The following RUSC2 variants were observed in gnomAD, a reference collection of about 807,000 sequenced individuals.
RUSC2 encodes AP-4 complex accessory subunit RUSC2.
RUSC2 carries 34 observed loss-of-function variants against 122.2 expected under a neutral mutation model. The ratio of observed to expected loss-of-function variants is 0.28; its 90% CI spans 0.21 to 0.37. The LOEUF (loss-of-function observed/expected upper bound fraction) is 0.37, where lower values mean the gene tolerates loss of function less well. Ranked by LOEUF, RUSC2 falls within the 10% of genes least tolerant of loss-of-function variation. The probability of loss-of-function intolerance (pLI) is 1.00; values close to 1 mark genes in which losing one functional copy is unlikely to be tolerated. For synonymous variants in RUSC2, 784 were observed against 790.0 expected (o/e 0.99, Z 0.13); for missense variants, 1,747 against 1,952.4 (o/e 0.89, Z 1.98).
At chr9:35,506,061 A>G (rs1180555340) in intron 1 of RUSC2, among the ~76,000 whole-genome samples, 1 of 152,230 alleles carries the variant, frequency 6.6e-6, no homozygotes, top group Non-Finnish European at 1.5e-5. Context: ...CTATATGCAG[A>G]TGATATGGTC....
rs946295033 is a variant in RUSC2 at position 35,514,105 on chromosome 9, G to A, written c.-93+23933G>A. Among the ~76,000 whole-genome samples the A allele has an allele frequency of 3.3e-5, 5 of 151,924 alleles. 1 individual carries two copies. Among genetic ancestry groups the A allele is most frequent in the Admixed American group, 1.3e-4 (2 of 15,222 alleles). On this transcript the variant is annotated intron_variant, in intron 1 of 11. Coordinates refer to ENST00000361226, the MANE Select transcript of RUSC2 (RefSeq NM_014806.5). ...ATCTATGCATCCCAGACACTGCTAG[G>A]TTCTGAGTATACACCAACAAATAAT...
At chr9:35,541,169 T>C (rs1821634674) in intron 1 of RUSC2, among the ~76,000 whole-genome samples, 1 of 152,062 alleles carries the variant, frequency 6.6e-6, no homozygotes, top group African/African-American at 2.4e-5. Context: ...CCACTCTACC[T>C]GGTAGGCATA....
chr9:35,517,703 A>G (rs1821135590), intron 1 of RUSC2, among the ~76,000 whole-genome samples: 1 of 152,204 alleles, frequency 6.6e-6, no homozygotes, highest in South Asian at 2.1e-4. Context: ...AGGGCACTGC[A>G]TCTCTGGGCA....
chr9:35,523,279 AAGC>A (rs1821249490), intron 1 of RUSC2, among the ~76,000 whole-genome samples: 1 of 152,216 alleles, frequency 6.6e-6, no homozygotes, highest in African/African-American at 2.4e-5. Flanking sequence ...TAAGTGAAAA[AAGC>A]AGCCACATTC....
chr9:35,537,202 A>T (rs1821546649), intron 1 of RUSC2, among the ~76,000 whole-genome samples: 1 of 152,206 alleles, frequency 6.6e-6, no homozygotes, highest in South Asian at 2.1e-4. Flanking sequence ...AACTGGAAGC[A>T]CTGGCTGTCC....
rs1822120909 is a variant in RUSC2 at position 35,560,321 on chromosome 9, G to A, written c.3681G>A (p.Glu1227=). 4 of 1,605,314 alleles carry A rather than the reference G, an allele frequency of 2.5e-6. No individual in the cohort carries two copies. Among genetic ancestry groups the A allele is most frequent in the Non-Finnish European group, 3.4e-6 (4 of 1,175,116 alleles). The part of the protein sequence containing the change: ...PGDVDRAAQG[E]RVKGVGASEG... ...ACGTGGACAGGGCAGCCCAAGGGGA[G>A]CGGGTGAAGGGTGTGGGTGCCTCAG... The change falls in exon 10 of 12, where the codon GAG becomes GAA. Residue 1227 remains glutamate, a synonymous_variant. Coordinates refer to ENST00000361226, the MANE Select transcript of RUSC2 (RefSeq NM_014806.5).
chr9:35,503,553 G>A (rs549507879), intron 1 of RUSC2, among the ~76,000 whole-genome samples: 170 of 152,254 alleles, frequency 1.1e-3, no homozygotes, highest in African/African-American at 3.9e-3. Context: ...TGCCAATCGT[G>A]CTGCTATAAA....
At chr9:35,544,514 G>A (rs761894791) in intron 1 of RUSC2, among the ~76,000 whole-genome samples, 8 of 152,014 alleles carry the variant, frequency 5.3e-5, no homozygotes, top group Non-Finnish European at 1.2e-4. Flanking sequence ...CACCATGTCG[G>A]CCAGGATGGT....
In RUSC2 at chr9:35,560,350, G is replaced by A. The variant is rs752602289; in HGVS notation, c.3710G>A (p.Gly1237Asp). The A allele has an allele frequency of 3.1e-6, 5 of 1,611,962 alleles. No individual in the cohort carries two copies. In the East Asian group the frequency reaches 8.9e-5, roughly 29 times the overall value. ...ERVKGVGASE[G>D]GEEEEEEEET... Reference sequence around the variant, plus strand: ...GTGAAGGGTGTGGGTGCCTCAGAAGGTGGAGAAGAGGAAGAGGAAGAAGAG... The same window carrying A: ...GTGAAGGGTGTGGGTGCCTCAGAAGATGGAGAAGAGGAAGAGGAAGAAGAG... Residue 1237 changes from glycine to aspartate, a missense_variant, in exon 10 of 12, where the codon GGT (glycine) becomes GAT (aspartate). Gly to Asp is a moderately conservative substitution (Grantham distance 94). Transcript: ENST00000361226.
At chr9:35,519,361 A>G (rs1028336870) in intron 1 of RUSC2, among the ~76,000 whole-genome samples, 1 of 152,100 alleles carries the variant, frequency 6.6e-6, no homozygotes, top group Non-Finnish European at 1.5e-5. Flanking sequence ...CCTGGACAAA[A>G]CCTATCCTGC....
At chr9:35,497,380 T>C (rs1820738730) in intron 1 of RUSC2, among the ~76,000 whole-genome samples, 1 of 152,240 alleles carries the variant, frequency 6.6e-6, no homozygotes, top group Non-Finnish European at 1.5e-5. Context: ...ATTGGGTTAG[T>C]AAACTGGAGA....
chr9:35,513,212 T>C (rs1821041928), intron 1 of RUSC2, among the ~76,000 whole-genome samples: 1 of 151,884 alleles, frequency 6.6e-6, no homozygotes, highest in Non-Finnish European at 1.5e-5. Context: ...GTTGTTGTTG[T>C]TGTTGTTGTT....
chr9:35,548,423 C>T lies in RUSC2; in HGVS notation c.1902C>T (p.Gly634=). ...GPHSSEMPPA[G]LRATGQGPLA... ...ACTCCAGTGAGATGCCTCCTGCTGG[C>T]CTCAGAGCTACTGGGCAAGGCCCCC... Residue 634 remains glycine (G), a synonymous_variant, in exon 2 of 12, where the codon GGC becomes GGT. Coordinates refer to ENST00000361226, the MANE Select transcript of RUSC2 (RefSeq NM_014806.5). This position sits in a 1 kb window ranked among gnomAD's most constrained non-coding sequence, Gnocchi z 4.5. The T allele has an allele frequency of 6.2e-7, 1 of 1,614,030 alleles. No homozygotes were observed. The highest frequency in any genetic ancestry group is 8.5e-7 in the Non-Finnish European group (1 of 1,180,044).
intron 2 of RUSC2, among the ~76,000 whole-genome samples, chr9:35,553,045 C>A (rs938579839): frequency 1.1e-4 from 16 of 152,144 alleles, no homozygotes; most frequent in Non-Finnish European, 2.4e-4. Flanking sequence ...GTCAGCTCAG[C>A]CTTGAAAACT....
chr9:35,547,830 C>A lies in RUSC2; in HGVS notation c.1309C>A (p.Pro437Thr), dbSNP rs764419126. 1 of 1,614,228 alleles carries A rather than the reference C, an allele frequency of 6.2e-7. No homozygotes were observed. Among genetic ancestry groups the A allele is most frequent in the Admixed American group, 1.7e-5 (1 of 60,024 alleles). The change falls in exon 2 of 12, where the codon CCA (proline) becomes ACA (threonine). Residue 437 changes from proline (P) to threonine (T), a missense_variant. Transcript: ENST00000361226. This position sits in a 1 kb window ranked among gnomAD's most constrained non-coding sequence, Gnocchi z 4.6. Reference protein sequence around the residue: ...ISPPPGPGPDPGPSQPSEYYL... With the variant: ...ISPPPGPGPDTGPSQPSEYYL... Reference sequence around the variant, plus strand: ...TCCCCCACCAGGCCCTGGCCCAGACCCAGGCCCCAGCCAGCCCTCTGAGTA... The same window carrying A: ...TCCCCCACCAGGCCCTGGCCCAGACACAGGCCCCAGCCAGCCCTCTGAGTA...
chr9:35,535,536 T>C (rs1001368914), intron 1 of RUSC2, among the ~76,000 whole-genome samples: 12 of 143,360 alleles, frequency 8.4e-5, no homozygotes, highest in Middle Eastern at 3.3e-3. Flanking sequence ...GAGCTTCTCT[T>C]TTTTTTTTTT....
chr9:35,523,391 A>G (rs1821252755), intron 1 of RUSC2, among the ~76,000 whole-genome samples: 3 of 152,232 alleles, frequency 2.0e-5, no homozygotes. Flanking sequence ...AACATTAGGG[A>G]AACTGGTTAA....
intron 2 of RUSC2, among the ~76,000 whole-genome samples, chr9:35,553,003 T>TA (rs770236594): frequency 7.9e-5 from 12 of 152,148 alleles, no homozygotes; most frequent in Non-Finnish European, 1.3e-4. Context: ...ATAATAATGC[T>TA]GTGGTTGGGA....
At chr9:35,550,267 A>AG (rs968845041) in intron 2 of RUSC2, among the ~76,000 whole-genome samples, 2 of 152,006 alleles carry the variant, frequency 1.3e-5, no homozygotes, top group African/African-American at 4.8e-5. Flanking sequence ...ATGGACTGGA[A>AG]GGGGTGTCTT....
Sources: gnomAD v4.1 joint callset for allele counts (sites outside exome capture counted in the v4.1 genomes callset) on GRCh38, gnomAD v4.1.1 for gene constraint, Gnocchi (gnomAD v3.1) non-coding constraint, MANE v1.5 for transcripts, NCBI Gene and HGNC (gene_info 2026-07-23, HGNC 2026-07-21) for gene names.